RASGEF1A: variants seen among roughly 807,000 people sequenced by gnomAD.
RASGEF1A encodes the protein RasGEF domain family member 1A, also known as ras-GEF domain-containing family member 1A.
In RASGEF1A, 18 loss-of-function variants were observed where a neutral mutation model predicts 56.4. The ratio of observed to expected loss-of-function variants is 0.32; its 90% CI spans 0.22 to 0.47. RASGEF1A has a LOEUF of 0.47. Among genes scored for constraint, RASGEF1A ranks in the 20% least tolerant of loss-of-function variants. The pLI, the probability that RASGEF1A is intolerant of heterozygous loss-of-function variation, is 1.00. For synonymous variants in RASGEF1A, 245 were observed against 242.6 expected, an observed-to-expected ratio of 1.01 and a Z score of -0.09; for missense variants, 422 against 627.1, an observed-to-expected ratio of 0.67 and a Z score of 3.49.
At chr10:43,236,433 T>C (rs748534902) in intron 1 of RASGEF1A, among the ~76,000 whole-genome samples, 33 of 152,240 alleles carry the variant, frequency 2.2e-4, no homozygotes, top group Admixed American at 2.6e-4. Context: ...TGTGTGTACA[T>C]AGTTGCATGC....
chr10:43,255,942 C>G (rs1302405196), intron 1 of RASGEF1A, among the ~76,000 whole-genome samples: 1 of 152,194 alleles, frequency 6.6e-6, no homozygotes, highest in Non-Finnish European at 1.5e-5. Context: ...TTCTCCGATG[C>G]CCTCCTTCCT....
intron 3 of RASGEF1A, 128 bp downstream of exon 3, chr10:43,203,170 C>A: frequency 1.1e-6 from 1 of 894,632 alleles, no homozygotes; most frequent in East Asian, 3.2e-5. Context: ...CCAGGCCAAG[C>A]CCCAACTCTA....
intron 1 of RASGEF1A, among the ~76,000 whole-genome samples, chr10:43,230,767 C>T (rs534281039): frequency 2.1e-4 from 32 of 152,210 alleles, no homozygotes; most frequent in Non-Finnish European, 4.1e-4. Flanking sequence ...CGGCTCTTGC[C>T]CAGGCCTTGC....
intron 4 of RASGEF1A, 79 bp from the exon 5 acceptor site, chr10:43,200,967 C>T (rs1839887903): frequency 7.5e-7 from 1 of 1,340,232 alleles, no homozygotes; most frequent in East Asian, 2.3e-5. Flanking sequence ...ATCCATCTCA[C>T]CTCCAGGGAT....
chr10:43,239,991 T>C (rs564311155), intron 1 of RASGEF1A, among the ~76,000 whole-genome samples: 64 of 152,316 alleles, frequency 4.2e-4, no homozygotes, highest in Non-Finnish European at 7.9e-4. Flanking sequence ...CCTGAGAATC[T>C]AGAAGGTCAA....
intron 1 of RASGEF1A, among the ~76,000 whole-genome samples, chr10:43,234,297 G>A (rs1232671445): frequency 1.3e-5 from 2 of 152,198 alleles, no homozygotes; most frequent in South Asian, 2.1e-4. Flanking sequence ...CTGTGGCCAC[G>A]CCTGAGGGAA....
At chr10:43,203,837 A>G (rs1031933907) in intron 2 of RASGEF1A, 15 of 845,292 alleles carry the variant, frequency 1.8e-5, no homozygotes, top group Non-Finnish European at 2.0e-5. Context: ...AGGGTGGGGG[A>G]TGCAGGGAGG....
At chr10:43,199,891 T>A in intron 6 of RASGEF1A, 123 bp from the exon 7 acceptor site, 2 of 848,802 alleles carry the variant, frequency 2.4e-6, no homozygotes, top group Non-Finnish European at 3.8e-6. Flanking sequence ...CAATCATGCC[T>A]GCGTGCTCCT....
At chr10:43,209,682 G>A (rs940500495) in intron 1 of RASGEF1A, among the ~76,000 whole-genome samples, 1 of 141,550 alleles carries the variant, frequency 7.1e-6, no homozygotes, top group Non-Finnish European at 1.6e-5. Context: ...AGCTCAGGAA[G>A]CCCCCCCACC....
chr10:43,215,376 C>G (rs564952527), intron 1 of RASGEF1A, among the ~76,000 whole-genome samples: 1 of 152,340 alleles, frequency 6.6e-6, no homozygotes, highest in African/African-American at 2.4e-5. Flanking sequence ...TGCAGGGCAT[C>G]ACAATTAGCA....
chr10:43,226,498 T>G (rs959588693), intron 1 of RASGEF1A, among the ~76,000 whole-genome samples: 1 of 151,544 alleles, frequency 6.6e-6, no homozygotes, highest in Admixed American at 6.6e-5. Flanking sequence ...GCTGCCATCC[T>G]CCTCCGAGAT....
chr10:43,199,845 TC>T, intron 6 of RASGEF1A, 77 bp from the exon 7 acceptor site: 3 of 1,190,314 alleles, frequency 2.5e-6, no homozygotes, highest in Non-Finnish European at 3.7e-6. Context: ...CTGGCCCTGG[TC>T]CCCAGCTATG....
intron 1 of RASGEF1A, among the ~76,000 whole-genome samples, chr10:43,257,498 A>T (rs567992086): frequency 1.2e-4 from 18 of 152,278 alleles, no homozygotes; most frequent in African/African-American, 4.3e-4. Context: ...CCTCTCCTCC[A>T]CACCTCAGTC....
chr10:43,219,288 G>T (rs1840176531), intron 1 of RASGEF1A, among the ~76,000 whole-genome samples: 1 of 152,234 alleles, frequency 6.6e-6, no homozygotes. Flanking sequence ...GACAGAGCTG[G>T]GCACAGGCTT....
intron 1 of RASGEF1A, among the ~76,000 whole-genome samples, chr10:43,226,776 C>T (rs1361595774): frequency 1.3e-5 from 2 of 152,240 alleles, no homozygotes; most frequent in Non-Finnish European, 2.9e-5. Flanking sequence ...GGCCACTTCC[C>T]GCCCTCATCT....
In RASGEF1A at chr10:43,198,132, T is replaced by C; in HGVS notation, c.1096A>G (p.Arg366Gly). ...YRTALQGATQ[R>G]SQMANSSREK... ...CGGCTGCTGTTGGCCATCTGGGACC[T>C]CTGCGTGGCCCCCTGCAGGGCTGTA... The change falls in exon 10 of 13, where the codon AGG becomes GGG. Residue 366 changes from arginine to glycine, a missense_variant. Coordinates refer to ENST00000395810, the MANE Select transcript of RASGEF1A (RefSeq NM_145313.4). The C allele has an allele frequency of 6.2e-7, 1 of 1,614,166 alleles. No individual in the cohort carries two copies. The highest frequency in any genetic ancestry group is 8.5e-7 in the Non-Finnish European group (1 of 1,179,968).
At chr10:43,258,873 C>T (rs904258143) in intron 1 of RASGEF1A, among the ~76,000 whole-genome samples, 9 of 152,340 alleles carry the variant, frequency 5.9e-5, no homozygotes, top group African/African-American at 1.9e-4. Flanking sequence ...CCACCAGGCC[C>T]GGGAAGGACA....
At chr10:43,199,826 TC>T in intron 6 of RASGEF1A, 58 bp from the exon 7 acceptor site, 1 of 1,403,210 alleles carries the variant, frequency 7.1e-7, no homozygotes, top group Non-Finnish European at 1.0e-6. Flanking sequence ...GACAACTTAG[TC>T]CCCACAGCTG....
intron 1 of RASGEF1A, among the ~76,000 whole-genome samples, chr10:43,211,396 C>T (rs1311350128): frequency 1.3e-5 from 2 of 152,190 alleles, no homozygotes; most frequent in Admixed American, 1.3e-4. Context: ...CTCAGCAGCA[C>T]TGTAGGAGGC....
Sources: gnomAD v4.1 joint callset for allele counts (sites outside exome capture counted in the v4.1 genomes callset) on GRCh38, gnomAD v4.1.1 for gene constraint, MANE v1.5 for transcripts, NCBI Gene and HGNC (gene_info 2026-07-23, HGNC 2026-07-21) for gene names.